Variants in SVOP observed in about 807,000 individuals in gnomAD.
The protein encoded by SVOP is SV2 related protein.
Under a neutral mutation model 69.1 loss-of-function variants are expected in SVOP, and 17 were observed. The observed-to-expected ratio is 0.25, with a 90% confidence interval of 0.17 to 0.37. SVOP has a LOEUF of 0.37. SVOP is among the 10% of genes least tolerant of loss of function. SVOP has a pLI of 1.00. For missense variants in SVOP, 435 were observed against 597.5 expected (o/e 0.73, Z 2.84); for synonymous variants, 238 against 238.6 (o/e 1.00, Z 0.02).
intron 11 of SVOP, 123 bp from the exon 12 acceptor site, chr12:108,922,920 TCAGAGA>T: frequency 1.5e-6 from 1 of 673,946 alleles, no homozygotes; most frequent in East Asian, 2.7e-5. Flanking sequence ...GAGCCCAGAC[TCAGAGA>T]CAGACAGATT....
At chr12:108,943,547 A>T (rs1269152045) in intron 7 of SVOP, among the ~76,000 whole-genome samples, 1 of 151,412 alleles carries the variant, frequency 6.6e-6, no homozygotes, top group African/African-American at 2.4e-5. Flanking sequence ...GCAGAGAGCC[A>T]AGATCGCGCC....
chr12:108,932,677 A>G (rs906155379), intron 11 of SVOP, among the ~76,000 whole-genome samples: 1 of 152,024 alleles, frequency 6.6e-6, no homozygotes, highest in South Asian at 2.1e-4. Flanking sequence ...GGAGGTTCAG[A>G]CATACCTCCT....
intron 7 of SVOP, among the ~76,000 whole-genome samples, chr12:108,941,818 C>T (rs1211687562): frequency 6.6e-6 from 1 of 152,116 alleles, no homozygotes; most frequent in African/African-American, 2.4e-5. Flanking sequence ...CCCCCCTCAA[C>T]CACACCCAGC....
chr12:108,949,344 C>T (rs533498348), intron 6 of SVOP, among the ~76,000 whole-genome samples: 1 of 152,054 alleles, frequency 6.6e-6, no homozygotes, highest in Admixed American at 6.6e-5. Context: ...ATCTCAGGCT[C>T]ACTGCAACCT....
intron 7 of SVOP, among the ~76,000 whole-genome samples, chr12:108,944,686 A>G (rs2039912399): frequency 6.6e-6 from 1 of 152,140 alleles, no homozygotes; most frequent in Non-Finnish European, 1.5e-5. Flanking sequence ...GAAAGTTTTA[A>G]GGCAGCCTAT....
chr12:109,012,666 G>A (rs28394293), intron 1 of SVOP, among the ~76,000 whole-genome samples: 5,217 of 152,226 alleles, frequency 0.034, 308 homozygotes, highest in African/African-American at 0.12. Context: ...GGTGGTTCAA[G>A]CCTGTAATCC....
Position 109,021,029 on chromosome 12 carries a change from C to A in SVOP, c.-161G>T, listed in dbSNP as rs1322140499. Reference sequence around the variant, plus strand: ...GAGGGAGCCGCTGGGGACCAGCCCACGAGACAAAGCCTCCGCCGCCAGGAG... The same window carrying A: ...GAGGGAGCCGCTGGGGACCAGCCCAAGAGACAAAGCCTCCGCCGCCAGGAG... On this transcript the variant is annotated 5_prime_UTR_variant, in exon 1 of 16. Transcript: ENST00000610966. 5 of 551,168 alleles carry A rather than the reference C, an allele frequency of 9.1e-6. No homozygotes were observed. Among genetic ancestry groups the A allele is most frequent in the East Asian group, 6.4e-5 (2 of 31,152 alleles). 34.1% of individuals were successfully genotyped at this position (551,168 alleles called of 1,614,324 possible). A position where few individuals can be genotyped will look rare whatever the true frequency, so the allele number is the denominator to read the frequency against.
intron 1 of SVOP, among the ~76,000 whole-genome samples, chr12:109,008,067 A>G (rs540591656): frequency 6.6e-6 from 1 of 152,116 alleles, no homozygotes; most frequent in East Asian, 1.9e-4. Flanking sequence ...TTTATAGACA[A>G]CTAAGCTGAG....
intron 5 of SVOP, among the ~76,000 whole-genome samples, chr12:108,964,033 G>A (rs902231085): frequency 4.6e-5 from 7 of 151,948 alleles, no homozygotes; most frequent in African/African-American, 1.7e-4. Context: ...ACAAGTGATC[G>A]ATTTTTAAAA....
rs572515723 is a variant in SVOP, at chr12:108,915,066, G to A, written c.1440+717C>T. ...TGCACGCCTGTAATCCCAGCTACTC[G>A]GGAGGCTGAGGCAGGAGAATCGCTT... is the stretch of plus-strand genomic sequence containing the variant. On this transcript the variant is annotated intron_variant, in intron 15 of 15. Transcript: ENST00000610966. 5.3e-5 allele frequency among the ~76,000 whole-genome samples: 8 copies of A among 151,208 alleles called. No individual in the cohort carries two copies. In the South Asian group the frequency reaches 1.5e-3, roughly 28 times the overall value.
chr12:108,942,003 C>T (rs954313080), intron 7 of SVOP, among the ~76,000 whole-genome samples: 1 of 152,146 alleles, frequency 6.6e-6, no homozygotes, highest in African/African-American at 2.4e-5. Context: ...CTCCATTCCC[C>T]TCCATCCCCA....
chr12:108,961,523 C>T (rs572944168), intron 5 of SVOP, among the ~76,000 whole-genome samples: 2 of 150,784 alleles, frequency 1.3e-5, no homozygotes, highest in Non-Finnish European at 1.5e-5. Context: ...CTTTGTTTTA[C>T]CTGGAACTTT....
intron 2 of SVOP, among the ~76,000 whole-genome samples, chr12:108,983,207 A>G (rs1489617798): frequency 2.0e-5 from 3 of 151,336 alleles, no homozygotes; most frequent in Admixed American, 6.6e-5. Flanking sequence ...CTTCATCACT[A>G]TGATCATCAC....
chr12:108,981,533 G>A (rs954772220), intron 2 of SVOP, among the ~76,000 whole-genome samples: 1 of 126,992 alleles, frequency 7.9e-6, no homozygotes, highest in Non-Finnish European at 1.9e-5. Context: ...CCGCCTCAGA[G>A]TCAGAACAAG....
In SVOP at chr12:108,968,744, T is replaced by TTGTGTGTGTG. The variant is rs554473073; in HGVS notation, c.453+3651_453+3660dup. Among the ~76,000 whole-genome samples the TTGTGTGTGTG allele has an allele frequency of 4.7e-3, 706 of 149,760 alleles. 5 individuals carry two copies. The highest frequency in any genetic ancestry group is 0.024 in the South Asian group (115 of 4,724). ...GTGTGTGTGTGTGCATGTTTGTCTT[T>TTGTGTGTGTG]TGTGTGTGTGTGTGTGTGTGTGTTT... On this transcript the variant is annotated intron_variant, in intron 5 of 15. Transcript: ENST00000610966.
At chr12:108,942,244 T>C (rs759785118) in intron 7 of SVOP, among the ~76,000 whole-genome samples, 13 of 152,220 alleles carry the variant, frequency 8.5e-5, no homozygotes, top group Non-Finnish European at 1.9e-4. Context: ...TCCACGCATG[T>C]GTTGACAGAC....
At position 108,940,884 on chromosome 12, in the gene SVOP, A is replaced by G; in HGVS notation, c.668T>C (p.Phe223Ser). Residue 223 changes from phenylalanine (F) to serine (S), a missense_variant, in exon 8 of 16, where the codon TTC (phenylalanine) becomes TCC (serine). Physicochemically the swap from Phe to Ser is radical, Grantham distance 155 (BLOSUM62 -2). Transcript: ENST00000610966. ...IEVFWAIGTV[F>S]EVVLAVFVMP... ...CACGAACACAGCCAGGACGACCTCG[A>G]ACACTGTCCCGATGGCCCAGAATAC... 6.5e-7 allele frequency: 1 copy of G among 1,537,072 alleles called. No individual in the cohort carries two copies.
chr12:108,912,134 TGGACAG>T lies in SVOP; in HGVS notation c.*395_*400del. ...AAACCTACTGAACAGGTCCGGTGGG[TGGACAG>T]CAGGTGTCACATGGGCCTGAGCCTG... On this transcript the variant is annotated 3_prime_UTR_variant, in exon 16 of 16. Coordinates refer to ENST00000610966, the MANE Select transcript of SVOP (RefSeq NM_018711.5). 2.0e-6 allele frequency: 2 copies of T among 1,024,936 alleles called. No individual in the cohort carries two copies. The highest frequency in any genetic ancestry group is 3.4e-5 in the African/African-American group (2 of 58,942). 63.5% of individuals were successfully genotyped at this position (1,024,936 alleles called of 1,614,324 possible). A position where few individuals can be genotyped will look rare whatever the true frequency, so the allele number is the denominator to read the frequency against.
intron 1 of SVOP, among the ~76,000 whole-genome samples, chr12:109,001,167 A>ATCAG: frequency 4.1e-5 from 1 of 24,194 alleles, no homozygotes; most frequent in East Asian, 1.2e-3. Flanking sequence ...ATACACCAAT[A>ATCAG]ACAGACAGAG....
Sources: allele counts gnomAD v4.1 joint callset (sites outside exome capture counted in the v4.1 genomes callset), GRCh38; gene constraint gnomAD v4.1.1; transcripts MANE v1.5; gene names NCBI Gene and HGNC (gene_info 2026-07-23, HGNC 2026-07-21).